The following PDSS1 variants were observed in gnomAD, a reference collection of about 807,000 sequenced individuals.
PDSS1 encodes all trans-polyprenyl-diphosphate synthase PDSS1.
In PDSS1, 43 loss-of-function variants were observed where a neutral mutation model predicts 57.5. That is an observed-to-expected ratio of 0.75 (90% CI 0.59 to 0.96). The LOEUF is 0.96. PDSS1 is among the 50% of genes least tolerant of loss of function. PDSS1 has a pLI of 0.00. For synonymous variants in PDSS1, 175 were observed against 191.3 expected, an observed-to-expected ratio of 0.91 and a Z score of 0.70; for missense variants, 438 against 527.8, an observed-to-expected ratio of 0.83 and a Z score of 1.67.
chr10:26,699,568 T>C (rs1330790587), intron 1 of PDSS1, among the ~76,000 whole-genome samples: 3 of 152,044 alleles, frequency 2.0e-5, no homozygotes, highest in Non-Finnish European at 2.9e-5. Context: ...CTAATTTTTG[T>C]ATTTTTAGTA....
intron 6 of PDSS1, 103 bp downstream of exon 6, chr10:26,720,462 A>G: frequency 1.2e-6 from 1 of 821,776 alleles, no homozygotes; most frequent in Non-Finnish European, 2.2e-6. Flanking sequence ...GCTTGCTCAA[A>G]TGTAATGTGG....
chr10:26,740,083 A>G (rs1298146838), intron 10 of PDSS1, among the ~76,000 whole-genome samples: 1 of 151,054 alleles, frequency 6.6e-6, no homozygotes, highest in Non-Finnish European at 1.5e-5. Context: ...CGGAGGTTGC[A>G]GTCAGCCAAG....
At chr10:26,745,675 C>T (rs1281448858) in intron 11 of PDSS1, among the ~76,000 whole-genome samples, 1 of 152,002 alleles carries the variant, frequency 6.6e-6, no homozygotes, top group Non-Finnish European at 1.5e-5. Context: ...GACAAAACCC[C>T]ATCTCTACTA....
intron 8 of PDSS1, among the ~76,000 whole-genome samples, chr10:26,726,641 T>C (rs1234067496): frequency 9.2e-5 from 14 of 152,176 alleles, no homozygotes; most frequent in Admixed American, 9.2e-4. Flanking sequence ...GGAGGGAAAC[T>C]TACAAGCTGC....
At chr10:26,744,045 G>A (rs186886220) in intron 11 of PDSS1, among the ~76,000 whole-genome samples, 10 of 152,334 alleles carry the variant, frequency 6.6e-5, no homozygotes, top group Admixed American at 6.5e-4. Flanking sequence ...AAGAAGGGCT[G>A]CAATGTGAAA....
chr10:26,735,375 T>C (rs1836359062), intron 9 of PDSS1, 55 bp downstream of exon 9: 1 of 1,391,196 alleles, frequency 7.2e-7, no homozygotes, highest in Admixed American at 1.7e-5. Flanking sequence ...GTCAGCATTC[T>C]CCCCTAGTGT....
Position 26,746,454 on chromosome 10 carries a change from T to C in PDSS1, c.1229T>C (p.Val410Ala). ...GCCCTCATTCAGCTTTCAGAAATTGTACTCACAAGAGATAAATGACAACTC... is the reference window on the plus strand; with the variant it reads ...GCCCTCATTCAGCTTTCAGAAATTGCACTCACAAGAGATAAATGACAACTC... ...RDALIQLSEI[V>A]LTRDK Residue 410 changes from valine to alanine, a missense_variant, in exon 12 of 12, where the codon GTA becomes GCA. Transcript: ENST00000376215. 6.2e-7 allele frequency: 1 copy of C among 1,614,134 alleles called. No individual in the cohort carries two copies. Among genetic ancestry groups the C allele is most frequent in the South Asian group, 1.1e-5 (1 of 91,088 alleles).
At chr10:26,714,102 T>C (rs58163077) in intron 5 of PDSS1, among the ~76,000 whole-genome samples, 5,217 of 151,942 alleles carry the variant, frequency 0.034, 302 homozygotes, top group African/African-American at 0.12. Flanking sequence ...CATCTCAGAG[T>C]CTGCCTCCTG....
At chr10:26,723,151 G>C (rs1357046332) in intron 6 of PDSS1, among the ~76,000 whole-genome samples, 1 of 152,120 alleles carries the variant, frequency 6.6e-6, no homozygotes, top group South Asian at 2.1e-4. Context: ...GTCGCAGCAT[G>C]CATGGGTGTT....
chr10:26,704,828 G>A, intron 3 of PDSS1, 87 bp downstream of exon 3: 2 of 745,460 alleles, frequency 2.7e-6, no homozygotes, highest in Non-Finnish European at 4.8e-6. Flanking sequence ...TAGCGATGGG[G>A]AGCTCACTGT....
chr10:26,703,281 G>C (rs2132212192), intron 2 of PDSS1, among the ~76,000 whole-genome samples: 1 of 152,262 alleles, frequency 6.6e-6, no homozygotes, highest in South Asian at 2.1e-4. Flanking sequence ...CTTCAACCCA[G>C]ATTAGGGGTC....
At chr10:26,730,730 G>A (rs1377779362) in intron 8 of PDSS1, among the ~76,000 whole-genome samples, 1 of 152,156 alleles carries the variant, frequency 6.6e-6, no homozygotes, top group South Asian at 2.1e-4. Context: ...TAGGTAAGCA[G>A]TCTCGTTCAC....
Position 26,697,797 on chromosome 10 carries a change from C to T in PDSS1, c.86C>T (p.Ala29Val). 1 of 1,341,646 alleles carries T rather than the reference C, an allele frequency of 7.5e-7. No individual in the cohort carries two copies. The highest frequency in any genetic ancestry group is 9.6e-7 in the Non-Finnish European group (1 of 1,045,280). 83.1% of individuals were successfully genotyped at this position (1,341,646 alleles called of 1,614,324 possible). ...CCCGGGCCCGGCTCCCCCGGCCGTG[C>T]GGGACCGTTGGGGCCGAGCGCCGCT... Reference protein sequence around the residue: ...RSPGPGSPGRAGPLGPSAAAE... With the variant: ...RSPGPGSPGRVGPLGPSAAAE... The change falls in exon 1 of 12, where the codon GCG becomes GTG. Residue 29 changes from alanine to valine, a missense_variant. Transcript: ENST00000376215.
At chr10:26,712,761 A>G (rs1291846767) in intron 5 of PDSS1, among the ~76,000 whole-genome samples, 1 of 98,336 alleles carries the variant, frequency 1.0e-5, no homozygotes, top group African/African-American at 3.3e-5. Context: ...AATGGCAGCT[A>G]AAGATTCAGG....
rs776345851 is a variant in PDSS1, at chr10:26,704,665, T to C, written c.163-12T>C. 15 of 1,130,464 alleles carry C rather than the reference T, an allele frequency of 1.3e-5. No homozygotes were observed. In the Admixed American group the frequency reaches 2.5e-4, roughly 18 times the overall value. The allele number at this position is 1,130,464 out of a possible 1,614,324, so 70.0% of individuals were successfully genotyped here. On this transcript the variant is annotated splice_polypyrimidine_tract_variant and intron_variant, in intron 2 of 11. Coordinates refer to ENST00000376215, the MANE Select transcript of PDSS1 (RefSeq NM_014317.5). ...ATATTCTTACAAGTTTCTTGACATT[T>C]TTATTTTATAGATACCCTATATTAA...
chr10:26,700,769 T>C (rs1835027950), intron 1 of PDSS1, among the ~76,000 whole-genome samples: 1 of 152,126 alleles, frequency 6.6e-6, no homozygotes, highest in Non-Finnish European at 1.5e-5. Context: ...CCTATAATTA[T>C]AGATTGCCCA....
intron 5 of PDSS1, among the ~76,000 whole-genome samples, chr10:26,713,360 C>T (rs777659736): frequency 3.4e-4 from 52 of 152,022 alleles, no homozygotes; most frequent in Non-Finnish European, 1.2e-4. Context: ...TTTTAATAAA[C>T]GATAGAAGGT....
chr10:26,741,338 G>A lies in PDSS1; in HGVS notation c.1027-1159G>A, dbSNP rs192828347. ...TGTCTCTACTAACAGTACAAAATTAGCCGGGTGTGGTGGCGCACACCTGTA... is the reference window on the plus strand; with the variant it reads ...TGTCTCTACTAACAGTACAAAATTAACCGGGTGTGGTGGCGCACACCTGTA... On this transcript the variant is annotated intron_variant, in intron 10 of 11. Transcript: ENST00000376215. Among the ~76,000 whole-genome samples, 5 of 152,238 alleles carry A rather than the reference G, an allele frequency of 3.3e-5. No individual in the cohort carries two copies. The East Asian group carries it at 5.8e-4, about 18-fold the overall frequency.
rs1234010473 is a variant in PDSS1, at chr10:26,711,810, A to G, written c.467+2042A>G. Among the ~76,000 whole-genome samples the G allele has an allele frequency of 2.1e-5, 2 of 94,178 alleles. 1 individual carries two copies. Among genetic ancestry groups the G allele is most frequent in the Non-Finnish European group, 4.8e-5 (2 of 41,426 alleles). The allele number at this position is 94,178 out of a possible 152,430, so 61.8% of individuals were successfully genotyped here. Reference sequence around the variant, plus strand: ...ATACTGCCAAGTGTCCCATGGTCCCACGCAGCGCAGATTCGCCCCTGGTTG... The same window carrying G: ...ATACTGCCAAGTGTCCCATGGTCCCGCGCAGCGCAGATTCGCCCCTGGTTG... On this transcript the variant is annotated intron_variant, in intron 5 of 11. Coordinates refer to ENST00000376215, the MANE Select transcript of PDSS1 (RefSeq NM_014317.5).
Sources: gnomAD v4.1 joint callset for allele counts (sites outside exome capture counted in the v4.1 genomes callset) on GRCh38, gnomAD v4.1.1 for gene constraint, MANE v1.5 for transcripts, NCBI Gene and HGNC (gene_info 2026-07-23, HGNC 2026-07-21) for gene names.